The following SLC4A8 variants were observed in gnomAD, a reference collection of about 807,000 sequenced individuals.
The protein encoded by SLC4A8 is electroneutral sodium bicarbonate exchanger 1.
Under a neutral mutation model 125.0 loss-of-function variants are expected in SLC4A8, and 40 were observed. That is an observed-to-expected ratio of 0.32 (90% CI 0.25 to 0.42). SLC4A8 has a LOEUF of 0.42. Ranked by LOEUF, SLC4A8 falls within the 10% of genes least tolerant of loss-of-function variation. The pLI, the probability that SLC4A8 is intolerant of heterozygous loss-of-function variation, is 1.00. For synonymous variants in SLC4A8, 456 were observed against 476.0 expected, an observed-to-expected ratio of 0.96 and a Z score of 0.55; for missense variants, 863 against 1,355.1, an observed-to-expected ratio of 0.64 and a Z score of 5.70.
In SLC4A8 at chr12:51,514,771, T is replaced by C. The variant is rs979592656; in HGVS notation, c.*7333T>C. On this transcript the variant is annotated 3_prime_UTR_variant, in exon 25 of 25. Transcript: ENST00000453097. ...GGGCAGTTGAGTCAGTTAACATCTTTTCATCAGAAAGGAGGGTAATATTCA... is the reference window on the plus strand; with the variant it reads ...GGGCAGTTGAGTCAGTTAACATCTTCTCATCAGAAAGGAGGGTAATATTCA... The C allele has an allele frequency of 6.6e-6, 1 of 152,208 alleles. No homozygotes were observed. Among genetic ancestry groups the C allele is most frequent in the African/African-American group, 2.4e-5 (1 of 41,446 alleles). The allele number at this position is 152,208 out of a possible 1,614,324, so 9.4% of individuals were successfully genotyped here.
chr12:51,403,330 G>A lies in SLC4A8; in HGVS notation c.-112+11842G>A, dbSNP rs78264488. 2,246 of 435,080 alleles carry A rather than the reference G, an allele frequency of 5.2e-3. 60 individuals carry two copies. Among genetic ancestry groups the A allele is most frequent in the African/African-American group, 0.042 (2,109 of 49,736 alleles). 27.0% of individuals were successfully genotyped at this position (435,080 alleles called of 1,614,324 possible). A position where few individuals can be genotyped will look rare whatever the true frequency, so the allele number is the denominator to read the frequency against. On this transcript the variant is annotated intron_variant, in intron 1 of 24. Coordinates refer to the SLC4A8 transcript ENST00000358657. ...TGTGCCTGTTACTCCACCAGAAAGC[G>A]TTACTTACTCATTTCCAGAGTTTGG... is the stretch of plus-strand genomic sequence containing the variant.
intron 16 of SLC4A8, among the ~76,000 whole-genome samples, chr12:51,476,253 G>A (rs140319955): frequency 6.6e-6 from 1 of 152,166 alleles, no homozygotes; most frequent in Admixed American, 6.5e-5. Context: ...AGGCCCAGGC[G>A]GGTGGATCAT....
Position 51,491,059 on chromosome 12 carries a change from G to A in SLC4A8, c.2700+1108G>A, listed in dbSNP as rs918453033. ...ATGGGGTGAGGAAAATAGAAAAATC[G>A]AAGAAACCTGTTAGGTTTCTGACTT... On this transcript the variant is annotated intron_variant, in intron 19 of 24. Transcript: ENST00000453097. Among the ~76,000 whole-genome samples, 18 of 152,158 alleles carry A rather than the reference G, an allele frequency of 1.2e-4. No homozygotes were observed. The South Asian group carries it at 1.7e-3, about 14-fold the overall frequency.
chr12:51,442,755 C>T (rs920828616), intron 2 of SLC4A8, among the ~76,000 whole-genome samples: 4 of 152,092 alleles, frequency 2.6e-5, no homozygotes, highest in African/African-American at 9.7e-5. Context: ...GTTTCTAGAC[C>T]AGCTCTGGAG....
At chr12:51,392,503 G>A (rs975838422) in intron 1 of SLC4A8, among the ~76,000 whole-genome samples, 2 of 150,928 alleles carry the variant, frequency 1.3e-5, no homozygotes, top group Non-Finnish European at 3.0e-5. Context: ...AACTCGGGAG[G>A]GGGAGGTTGC....
At chr12:51,474,031 A>C (rs200106081) in intron 14 of SLC4A8, among the ~76,000 whole-genome samples, 5 of 85,526 alleles carry the variant, frequency 5.8e-5, no homozygotes, top group South Asian at 3.7e-4. Flanking sequence ...AAAACAAAAA[A>C]ACAAAACAAA....
intron 16 of SLC4A8, among the ~76,000 whole-genome samples, chr12:51,475,408 C>A (rs149223876): frequency 8.8e-4 from 134 of 152,280 alleles, no homozygotes; most frequent in Non-Finnish European, 1.6e-3. Flanking sequence ...ATACTTAAAA[C>A]CTTTTTGGTT....
At chr12:51,438,340 A>G (rs1949486842) in intron 1 of SLC4A8, among the ~76,000 whole-genome samples, 1 of 152,140 alleles carries the variant, frequency 6.6e-6, no homozygotes, top group Non-Finnish European at 1.5e-5. Context: ...CTCTGAGATC[A>G]ACTTTTTTTA....
chr12:51,472,485 A>G (rs1222184286), intron 14 of SLC4A8, among the ~76,000 whole-genome samples: 1 of 152,240 alleles, frequency 6.6e-6, no homozygotes, highest in Non-Finnish European at 1.5e-5. Context: ...AGGGAGTATC[A>G]TCTTCAAAGC....
chr12:51,460,453 T>C (rs1339343874), intron 8 of SLC4A8, among the ~76,000 whole-genome samples: 1 of 152,148 alleles, frequency 6.6e-6, no homozygotes, highest in Non-Finnish European at 1.5e-5. Context: ...TTAACCACCA[T>C]GAAGAGGAAT....
At chr12:51,483,912 C>CGGG (rs1396351062) in intron 16 of SLC4A8, among the ~76,000 whole-genome samples, 1 of 152,066 alleles carries the variant, frequency 6.6e-6, no homozygotes, top group African/African-American at 2.4e-5. Flanking sequence ...CAACAGGCCC[C>CGGG]GGTGTGTGAT....
chr12:51,463,743 C>G, intron 11 of SLC4A8, 29 bp downstream of exon 11: 1 of 1,454,024 alleles, frequency 6.9e-7, no homozygotes, highest in African/African-American at 1.4e-5. Context: ...CACAGCGATG[C>G]TGCTTATTGG....
Position 51,510,633 on chromosome 12 carries a change from A to C in SLC4A8, c.*3195A>C, listed in dbSNP as rs192386778. 9.2e-5 allele frequency: 14 copies of C among 152,332 alleles called. No homozygotes were observed. The highest frequency in any genetic ancestry group is 3.1e-4 in the African/African-American group (13 of 41,584). The allele number at this position is 152,332 out of a possible 1,614,324, so 9.4% of individuals were successfully genotyped here. Reference sequence around the variant, plus strand: ...GCAAGATCAATCTAGTGTTTCAGCCAGTTCACTACTGACATCAGACTCAAC... The same window carrying C: ...GCAAGATCAATCTAGTGTTTCAGCCCGTTCACTACTGACATCAGACTCAAC... On this transcript the variant is annotated 3_prime_UTR_variant, in exon 25 of 25. Transcript: ENST00000453097.
chr12:51,500,589 T>G (rs1372433578), intron 22 of SLC4A8, among the ~76,000 whole-genome samples: 1 of 152,102 alleles, frequency 6.6e-6, no homozygotes, highest in Non-Finnish European at 1.5e-5. Context: ...TAAATATTTT[T>G]CCTTTGTTAA....
intron 1 of SLC4A8, among the ~76,000 whole-genome samples, chr12:51,397,961 G>A (rs529038907): frequency 3.0e-4 from 46 of 152,124 alleles, no homozygotes; most frequent in African/African-American, 9.4e-4. Context: ...CCAGCTACTC[G>A]GGAGGAGGCT....
rs141954048 is a variant in SLC4A8 at position 51,495,064 on chromosome 12, C to T, written c.2889C>T (p.Leu963=). 1.8e-5 allele frequency: 29 copies of T among 1,613,988 alleles called. No individual in the cohort carries two copies. The highest frequency in any genetic ancestry group is 1.1e-4 in the African/African-American group (8 of 74,938). Residue 963 remains leucine (L), a synonymous_variant, in exon 21 of 25, where the codon CTC becomes CTT. Coordinates refer to ENST00000453097, the MANE Select transcript of SLC4A8 (RefSeq NM_001039960.3). The part of the protein sequence containing the change: ...HLFTLIQLTC[L]VLLWVIKASP... ...TCACCCTCATCCAGTTGACCTGTCT[C>T]GTCCTGCTCTGGGTCATCAAGGCAT...
At chr12:51,451,581 A>G (rs1307095350) in intron 3 of SLC4A8, among the ~76,000 whole-genome samples, 1 of 152,110 alleles carries the variant, frequency 6.6e-6, no homozygotes, top group Non-Finnish European at 1.5e-5. Flanking sequence ...CTGCCTGCAA[A>G]CACACAGACT....
At chr12:51,506,582 A>G (rs1938182458) in intron 24 of SLC4A8, among the ~76,000 whole-genome samples, 2 of 152,096 alleles carry the variant, frequency 1.3e-5, no homozygotes, top group African/African-American at 4.8e-5. Context: ...GTACAGGTGC[A>G]TGCCACCCCT....
At chr12:51,467,756 A>G (rs1288648277) in intron 11 of SLC4A8, among the ~76,000 whole-genome samples, 1 of 152,142 alleles carries the variant, frequency 6.6e-6, no homozygotes, top group Non-Finnish European at 1.5e-5. Flanking sequence ...ATCTTGTTTC[A>G]TCTATTTCTT....
Sources: allele counts gnomAD v4.1 joint callset (sites outside exome capture counted in the v4.1 genomes callset), GRCh38; gene constraint gnomAD v4.1.1; transcripts MANE v1.5; gene names NCBI Gene and HGNC (gene_info 2026-07-23, HGNC 2026-07-21).